The following KCNQ5 variants were observed in gnomAD, a reference collection of about 807,000 sequenced individuals.
KCNQ5 encodes the protein potassium voltage-gated channel subfamily KQT member 5.
KCNQ5 carries 30 observed loss-of-function variants against 98.2 expected under a neutral mutation model. The ratio of observed to expected loss-of-function variants is 0.31; its 90% CI spans 0.23 to 0.41. KCNQ5 has a LOEUF of 0.41. Among genes scored for constraint, KCNQ5 ranks in the 10% least tolerant of loss-of-function variants. The pLI is 1.00. For synonymous variants in KCNQ5, 458 were observed against 449.4 expected (o/e 1.02, Z -0.24); for missense variants, 835 against 1,182.5 (o/e 0.71, Z 4.31).
rs748662994 is a variant in KCNQ5, at chr6:73,195,306, C to G, written c.2691C>G (p.Ala897=). ...CACCGCAGCCTGCCAGGGAAGCTGC[C>G]TTTGCATCAGACTCTCTAAGGACTG... is the stretch of plus-strand genomic sequence containing the variant. ...DAAPQPAREA[A]FASDSLRTGR... is the part of the protein sequence containing the mutation. Residue 897 remains alanine (A), a synonymous_variant, in exon 14 of 14, where the codon GCC becomes GCG. Coordinates refer to ENST00000370398, the MANE Select transcript of KCNQ5 (RefSeq NM_019842.4). The G allele has an allele frequency of 2.5e-6, 4 of 1,614,158 alleles. No individual in the cohort carries two copies. Among genetic ancestry groups the G allele is most frequent in the East Asian group, 4.5e-5 (2 of 44,884 alleles).
At chr6:73,184,807 G>A (rs780116008) in intron 11 of KCNQ5, among the ~76,000 whole-genome samples, 6 of 152,202 alleles carry the variant, frequency 3.9e-5, no homozygotes, top group Non-Finnish European at 7.3e-5. Flanking sequence ...CCTGATGAAT[G>A]AGCACTTTGG....
intron 5 of KCNQ5, among the ~76,000 whole-genome samples, chr6:73,104,545 T>C (rs1170905170): frequency 6.6e-6 from 1 of 152,206 alleles, no homozygotes; most frequent in African/African-American, 2.4e-5. Context: ...GTTCTGCAGC[T>C]AGCCACCTCT....
At chr6:73,156,869 C>T (rs780812099) in intron 10 of KCNQ5, among the ~76,000 whole-genome samples, 1 of 152,090 alleles carries the variant, frequency 6.6e-6, no homozygotes, top group African/African-American at 2.4e-5. Context: ...TGACTGTTGG[C>T]GCATCCGAGG....
rs138256195 is a variant in KCNQ5, at chr6:72,665,177, G to A, written c.398+42590G>A. On this transcript the variant is annotated intron_variant, in intron 1 of 13. Transcript: ENST00000370398. ...AGCCTGGCCAACGTGGTGAAACCCT[G>A]TCTCTGCTAAAAATACAAAAATTAG... is the stretch of plus-strand genomic sequence containing the variant. Among the ~76,000 whole-genome samples the A allele has an allele frequency of 2.0e-5, 3 of 151,930 alleles. No individual in the cohort carries two copies. In the East Asian group the frequency reaches 5.8e-4, roughly 30 times the overall value.
At chr6:72,767,695 C>T (rs564908635) in intron 1 of KCNQ5, among the ~76,000 whole-genome samples, 56 of 151,934 alleles carry the variant, frequency 3.7e-4, no homozygotes, top group Non-Finnish European at 5.3e-4. Context: ...AGATGTTTCT[C>T]CAAAAAAGAT....
At chr6:73,067,686 G>A (rs1480331546) in intron 3 of KCNQ5, among the ~76,000 whole-genome samples, 2 of 152,088 alleles carry the variant, frequency 1.3e-5, no homozygotes, top group Non-Finnish European at 2.9e-5. Flanking sequence ...TCATACATCA[G>A]AGGTACTCAA....
chr6:72,976,534 C>CT (rs2150291037), intron 1 of KCNQ5, among the ~76,000 whole-genome samples: 1 of 152,290 alleles, frequency 6.6e-6, no homozygotes, highest in Non-Finnish European at 1.5e-5. Flanking sequence ...CTTCCTCACC[C>CT]TTACAAATAA....
intron 1 of KCNQ5, among the ~76,000 whole-genome samples, chr6:72,861,965 C>T (rs1319983899): frequency 6.6e-6 from 1 of 152,096 alleles, no homozygotes; most frequent in Non-Finnish European, 1.5e-5. Flanking sequence ...TTTTCCTGCC[C>T]TCTGCCAGTT....
chr6:73,004,076 C>T (rs1769713654), intron 2 of KCNQ5, 78 bp downstream of exon 2: 1 of 763,644 alleles, frequency 1.3e-6, no homozygotes, highest in Middle Eastern at 2.4e-4. Flanking sequence ...GCATCTTATC[C>T]TACAAAAAAA....
At chr6:72,996,497 A>G (rs1261604246) in intron 1 of KCNQ5, among the ~76,000 whole-genome samples, 1 of 152,234 alleles carries the variant, frequency 6.6e-6, no homozygotes, top group Non-Finnish European at 1.5e-5. Context: ...ACTCCTAGTT[A>G]AAGTAATTCC....
At chr6:72,951,352 C>G (rs185312588) in intron 1 of KCNQ5, among the ~76,000 whole-genome samples, 189 of 152,198 alleles carry the variant, frequency 1.2e-3, no homozygotes, top group African/African-American at 4.4e-3. Flanking sequence ...TCTCAGCTCA[C>G]TGCAACCTCT....
intron 2 of KCNQ5, among the ~76,000 whole-genome samples, chr6:73,007,749 G>A (rs57053969): frequency 0.056 from 8,501 of 152,152 alleles, 811 homozygotes; most frequent in African/African-American, 0.2. Flanking sequence ...ATCTGACCTC[G>A]GATCACTAAT....
At chr6:72,893,926 C>A (rs1037289251) in intron 1 of KCNQ5, among the ~76,000 whole-genome samples, 1 of 152,164 alleles carries the variant, frequency 6.6e-6, no homozygotes, top group Admixed American at 6.5e-5. Context: ...AGCAGGGATT[C>A]TCATCCTTTC....
chr6:72,839,238 G>A (rs1008582630), intron 1 of KCNQ5, among the ~76,000 whole-genome samples: 143 of 152,026 alleles, frequency 9.4e-4, no homozygotes, highest in African/African-American at 3.2e-3. Flanking sequence ...CCATTTGCTT[G>A]GAAATTGTCT....
rs80284560 is a variant in KCNQ5 at position 72,639,803 on chromosome 6, A to G, written c.398+17216A>G. 9.2e-3 allele frequency among the ~76,000 whole-genome samples: 1,399 copies of G among 152,268 alleles called. 12 individuals are homozygous for G. Among genetic ancestry groups the G allele is most frequent in the East Asian group, 0.02 (105 of 5,184 alleles). On this transcript the variant is annotated intron_variant, in intron 1 of 13. Coordinates refer to ENST00000370398, the MANE Select transcript of KCNQ5 (RefSeq NM_019842.4). Reference sequence around the variant, plus strand: ...GAGAATGGTAGATTAGGAATCAACAAAGTAAAGCTAAACTTTTATTTCTCC... The same window carrying G: ...GAGAATGGTAGATTAGGAATCAACAGAGTAAAGCTAAACTTTTATTTCTCC...
intron 1 of KCNQ5, among the ~76,000 whole-genome samples, chr6:72,634,060 A>G (rs1168531241): frequency 6.6e-6 from 1 of 152,318 alleles, no homozygotes; most frequent in East Asian, 1.9e-4. Flanking sequence ...TAAAGAGCTT[A>G]GGCTGCTATA....
intron 1 of KCNQ5, among the ~76,000 whole-genome samples, chr6:72,773,181 CAT>C (rs888834840): frequency 2.6e-4 from 39 of 152,132 alleles, no homozygotes; most frequent in African/African-American, 7.0e-4. Context: ...CACATGCACA[CAT>C]ATGTTTATTG....
intron 3 of KCNQ5, among the ~76,000 whole-genome samples, chr6:73,068,547 A>G (rs1773166129): frequency 6.6e-6 from 1 of 152,148 alleles, no homozygotes; most frequent in South Asian, 2.1e-4. Context: ...TTGCAACCCT[A>G]TGACATAGGT....
intron 1 of KCNQ5, among the ~76,000 whole-genome samples, chr6:72,910,812 A>T (rs1407906297): frequency 6.6e-6 from 1 of 152,164 alleles, no homozygotes; most frequent in Non-Finnish European, 1.5e-5. Flanking sequence ...CATGAATCTG[A>T]CTTGGTACTC....
Sources: allele counts gnomAD v4.1 joint callset (sites outside exome capture counted in the v4.1 genomes callset), GRCh38; gene constraint gnomAD v4.1.1; transcripts MANE v1.5; gene names NCBI Gene and HGNC (gene_info 2026-07-23, HGNC 2026-07-21).